Variants in DDHD1 observed in about 807,000 individuals in gnomAD.
The protein encoded by DDHD1 is DDHD domain containing 1.
In DDHD1, 49 loss-of-function variants were observed where a neutral mutation model predicts 96.4. That is an observed-to-expected ratio of 0.51 (90% CI 0.40 to 0.64). The LOEUF is 0.64. Ranked by LOEUF, DDHD1 falls within the 30% of genes least tolerant of loss-of-function variation. DDHD1 has a pLI of 0.00. For synonymous variants in DDHD1, 442 were observed against 446.5 expected, an observed-to-expected ratio of 0.99 and a Z score of 0.13; for missense variants, 1,106 against 1,161.2, an observed-to-expected ratio of 0.95 and a Z score of 0.69.
At chr14:53,110,903 G>C (rs1311083174) in intron 1 of DDHD1, among the ~76,000 whole-genome samples, 1 of 152,172 alleles carries the variant, frequency 6.6e-6, no homozygotes, top group Non-Finnish European at 1.5e-5. Flanking sequence ...TTGAACCCGG[G>C]AGGCGGAGGC....
chr14:53,149,581 T>C (rs1891210832), intron 1 of DDHD1, among the ~76,000 whole-genome samples: 1 of 152,198 alleles, frequency 6.6e-6, no homozygotes, highest in South Asian at 2.1e-4. Flanking sequence ...AATTACAGGA[T>C]AGACAAAAAG....
intron 6 of DDHD1, 89 bp downstream of exon 6, chr14:53,072,508 G>A: frequency 1.6e-6 from 1 of 623,106 alleles, no homozygotes; most frequent in Non-Finnish European, 2.5e-6. Context: ...TTTCTCATTT[G>A]CTTAAAAAAA....
At chr14:53,066,574 A>G (rs1433907159) in intron 6 of DDHD1, among the ~76,000 whole-genome samples, 1 of 152,250 alleles carries the variant, frequency 6.6e-6, no homozygotes, top group Non-Finnish European at 1.5e-5. Flanking sequence ...TTCCTTCCCT[A>G]AGGAAACATA....
chr14:53,122,203 C>T (rs190831675), intron 1 of DDHD1, among the ~76,000 whole-genome samples: 432 of 152,324 alleles, frequency 2.8e-3, no homozygotes, highest in African/African-American at 9.9e-3. Context: ...ACAGCCGTGG[C>T]ACCTTCTCAT....
At position 53,152,359 on chromosome 14, in the gene DDHD1, T is replaced by C. The variant is rs1346484791; in HGVS notation, c.740A>G (p.Glu247Gly). 6.2e-7 allele frequency: 1 copy of C among 1,613,746 alleles called. No individual in the cohort carries two copies. The highest frequency in any genetic ancestry group is 1.7e-5 in the Admixed American group (1 of 60,028). Residue 247 changes from glutamate to glycine, a missense_variant, in exon 1 of 13, where the codon GAG becomes GGG. Physicochemically the swap from Glu to Gly is moderately conservative, Grantham distance 98. Around this residue, in one of 2 missense-constraint regions of DDHD1, gnomAD observed 456 missense variants for 402.4 expected, o/e 1.13. Coordinates refer to ENST00000673822, the MANE Select transcript of DDHD1 (RefSeq NM_001160148.2). ...CTCGATGTTCACAAGCTCCACCATC[T>C]CCGGCTCGTGCCCCGTCGTACTCTG... ...FCQSTTGHEPEMVELVNIEPV... is the reference protein window; with the variant it reads ...FCQSTTGHEPGMVELVNIEPV...
intron 10 of DDHD1, among the ~76,000 whole-genome samples, chr14:53,055,443 T>C (rs1245665317): frequency 6.6e-6 from 1 of 152,210 alleles, no homozygotes; most frequent in Admixed American, 6.5e-5. Flanking sequence ...TTCTGGTCCA[T>C]CCAGCTATCT....
chr14:53,090,062 C>T (rs1432561445), intron 4 of DDHD1, among the ~76,000 whole-genome samples: 2 of 151,994 alleles, frequency 1.3e-5, no homozygotes, highest in Non-Finnish European at 2.9e-5. Context: ...AAGTAGGCAA[C>T]GGATATGAAG....
intron 1 of DDHD1, among the ~76,000 whole-genome samples, chr14:53,143,169 C>A: frequency 6.6e-6 from 1 of 152,192 alleles, no homozygotes; most frequent in East Asian, 1.9e-4. Context: ...CAGTGTACAG[C>A]AGAGCTGGGA....
chr14:53,082,455 T>G (rs1397396152), intron 4 of DDHD1, among the ~76,000 whole-genome samples: 4 of 150,406 alleles, frequency 2.7e-5, no homozygotes, highest in Non-Finnish European at 5.9e-5. Flanking sequence ...TTTTTTTTTT[T>G]TTTTTTTTAA....
At position 53,055,851 on chromosome 14, in the gene DDHD1, T is replaced by A; in HGVS notation, c.2054A>T (p.His685Leu). The A allele has an allele frequency of 6.2e-7, 1 of 1,613,828 alleles. No homozygotes were observed. Among genetic ancestry groups the A allele is most frequent in the Non-Finnish European group, 8.5e-7 (1 of 1,179,766 alleles). ...TAAAGGATTTGAAGTATTGTACCAG[T>A]GGATCTGGACAGGTGAAATGTTGCT... ...HYSNISPVQI[H>L]WYNTSNPLPY... Residue 685 changes from histidine to leucine, a missense_variant, in exon 10 of 13, where the codon CAC (histidine) becomes CTC (leucine). This residue lies in a region of DDHD1 where 650 missense variants were observed against 758.8 expected (regional missense o/e 0.86). Coordinates refer to ENST00000673822, the MANE Select transcript of DDHD1 (RefSeq NM_001160148.2).
chr14:53,068,353 C>T (rs1884225494), intron 6 of DDHD1, among the ~76,000 whole-genome samples: 1 of 149,256 alleles, frequency 6.7e-6, no homozygotes, highest in Non-Finnish European at 1.5e-5. Flanking sequence ...AAGCAGTCCT[C>T]CTCGGCCTCA....
chr14:53,090,085 A>G (rs141046595), intron 4 of DDHD1, among the ~76,000 whole-genome samples: 59 of 152,354 alleles, frequency 3.9e-4, no homozygotes, highest in East Asian at 1.5e-3. Flanking sequence ...ACACTTCTCA[A>G]AAGAAGACAT....
Position 53,152,471 on chromosome 14 carries a change from G to T in DDHD1, c.628C>A (p.Arg210=). 5.6e-6 allele frequency: 9 copies of T among 1,612,836 alleles called. No homozygotes were observed. The highest frequency in any genetic ancestry group is 6.8e-6 in the Non-Finnish European group (8 of 1,179,644). The change falls in exon 1 of 13, where the codon CGG becomes AGG. Residue 210 remains arginine (R), a synonymous_variant. Coordinates refer to ENST00000673822, the MANE Select transcript of DDHD1 (RefSeq NM_001160148.2). ...TTGARPQGGD[R]DGDHVCSPTG... The stretch of plus-strand genomic sequence containing the variant: ...GGGGAGCACACATGGTCGCCGTCCC[G>T]GTCCCCGCCCTGGGGCCGGGCACCC...
intron 1 of DDHD1, among the ~76,000 whole-genome samples, chr14:53,108,137 C>T (rs1484609560): frequency 6.6e-6 from 1 of 152,204 alleles, no homozygotes; most frequent in Non-Finnish European, 1.5e-5. Flanking sequence ...TCCACCACTG[C>T]TGTTTGCCAC....
At chr14:53,068,329 G>T (rs145923399) in intron 6 of DDHD1, among the ~76,000 whole-genome samples, 5 of 144,822 alleles carry the variant, frequency 3.5e-5, no homozygotes, top group African/African-American at 1.3e-4. Context: ...CTGCAGCCTC[G>T]ACCTCCCAGG....
chr14:53,062,822 T>A, intron 7 of DDHD1, 121 bp downstream of exon 7: 1 of 1,041,638 alleles, frequency 9.6e-7, no homozygotes, highest in African/African-American at 1.6e-5. Flanking sequence ...TGCTATATAG[T>A]AATCTTTGTA....
chr14:53,121,689 A>G (rs1393305018), intron 1 of DDHD1, among the ~76,000 whole-genome samples: 1 of 152,100 alleles, frequency 6.6e-6, no homozygotes, highest in Non-Finnish European at 1.5e-5. Flanking sequence ...AAAACCAAAT[A>G]CCCCATGTTC....
intron 2 of DDHD1, among the ~76,000 whole-genome samples, chr14:53,095,218 C>T (rs990287852): frequency 1.3e-5 from 2 of 152,152 alleles, no homozygotes; most frequent in Admixed American, 6.5e-5. Context: ...CTTCAAATCA[C>T]TATGCTTGAT....
chr14:53,125,702 ATTT>A (rs1195927962), intron 1 of DDHD1, among the ~76,000 whole-genome samples: 1 of 139,878 alleles, frequency 7.1e-6, no homozygotes. Context: ...TAAAAGATGG[ATTT>A]TTTTTTTTTT....
Sources: allele counts gnomAD v4.1 joint callset (sites outside exome capture counted in the v4.1 genomes callset), GRCh38; gene constraint gnomAD v4.1.1; regional missense constraint gnomAD v4.1.1; transcripts MANE v1.5; gene names NCBI Gene and HGNC (gene_info 2026-07-23, HGNC 2026-07-21).